The following PHKG1 variants were observed in gnomAD, a reference collection of about 807,000 sequenced individuals.
The protein encoded by PHKG1 is phosphorylase b kinase gamma catalytic chain, skeletal muscle/heart isoform.
PHKG1 carries 48 observed loss-of-function variants against 50.5 expected under a neutral mutation model. The observed-to-expected ratio is 0.95, with a 90% CI of 0.75 to 1.21. The LOEUF (loss-of-function observed/expected upper bound fraction) is 1.21. Ranked by LOEUF, PHKG1 falls within the 50% of genes most tolerant of loss-of-function variation. The probability of loss-of-function intolerance (pLI) is 0.00; values close to 1 mark genes in which losing one functional copy is unlikely to be tolerated. For synonymous variants in PHKG1, 204 were observed against 212.8 expected (o/e 0.96, Z 0.36); for missense variants, 487 against 519.5 (o/e 0.94, Z 0.61).
Position 56,080,802 on chromosome 7 carries a change from G to T in PHKG1, c.*252C>A, listed in dbSNP as rs1413417135. On this transcript the variant is annotated 3_prime_UTR_variant, in exon 10 of 10. Coordinates refer to ENST00000297373, the MANE Select transcript of PHKG1 (RefSeq NM_006213.5). ...GGAAGTAGAGGAGCAGGGGGTTCCT[G>T]GTTCTCAGGCCACGTGTGATCTCTG... 5.5e-6 allele frequency: 3 copies of T among 542,786 alleles called. No homozygotes were observed. The highest frequency in any genetic ancestry group is 9.9e-6 in the Non-Finnish European group (3 of 301,868). The allele number at this position is 542,786 out of a possible 1,614,324, so 33.6% of individuals were successfully genotyped here.
chr7:56,089,151 T>A (rs1048581552), intron 1 of PHKG1, among the ~76,000 whole-genome samples, 176 bp from the exon 2 acceptor site: 1 of 152,060 alleles, frequency 6.6e-6, no homozygotes, highest in South Asian at 2.1e-4. Context: ...ACACCTATAA[T>A]CCCAGACTTT....
intron 2 of PHKG1, 84 bp downstream of exon 2, chr7:56,088,775 C>T (rs1796375680): frequency 2.3e-6 from 2 of 877,854 alleles, no homozygotes; most frequent in Non-Finnish European, 3.7e-6. Context: ...GGCGTTAGTA[C>T]TCGGGGTGGA....
Position 56,086,997 on chromosome 7 carries a change from T to C in PHKG1, c.290A>G (p.Asn97Ser). 1 of 1,613,248 alleles carries C rather than the reference T, an allele frequency of 6.2e-7. No homozygotes were observed. The highest frequency in any genetic ancestry group is 8.5e-7 in the Non-Finnish European group (1 of 1,179,572). Residue 97 changes from asparagine (N) to serine (S), a missense_variant, in exon 4 of 10, where the codon AAC becomes AGC. By Grantham distance (46) the Asn-to-Ser change is conservative. Coordinates refer to ENST00000297373, the MANE Select transcript of PHKG1 (RefSeq NM_006213.5). ...IIQLKDTYET[N>S]TFFFLVFDLM... ...GTCAAACACCAAGAAGAAGAAAGTG[T>C]TGGTCTCATAAGTGTCCTTCAGCTG...
At chr7:56,086,476 T>G (rs928961618) in intron 4 of PHKG1, among the ~76,000 whole-genome samples, 7 of 151,494 alleles carry the variant, frequency 4.6e-5, no homozygotes, top group South Asian at 2.1e-4. Flanking sequence ...AGTTTTGGGG[T>G]TTTTTTTGTT....
At position 56,088,969 on chromosome 7, in the gene PHKG1, G is replaced by C. The variant is rs373866853; in HGVS notation, c.-28C>G. 7 of 1,546,458 alleles carry C rather than the reference G, an allele frequency of 4.5e-6. No individual in the cohort carries two copies. The African/African-American group carries it at 6.8e-5, about 15-fold the overall frequency. On this transcript the variant is annotated 5_prime_UTR_variant, in exon 2 of 10. Coordinates refer to ENST00000297373, the MANE Select transcript of PHKG1 (RefSeq NM_006213.5). ...TCAGATCTTCAGTGAGGGAACTCTG[G>C]GTGGCTCTGAGAGGGGAAAAGAAAG...
At chr7:56,089,128 T>C (rs1796390677) in intron 1 of PHKG1, among the ~76,000 whole-genome samples, 153 bp from the exon 2 acceptor site, 1 of 152,052 alleles carries the variant, frequency 6.6e-6, no homozygotes, top group Admixed American at 6.6e-5. Context: ...ATTGAGGCCG[T>C]TCGTGGTGGC....
intron 4 of PHKG1, 190 bp downstream of exon 4, chr7:56,086,780 A>G (rs1043178268): frequency 1.7e-5 from 10 of 599,650 alleles, no homozygotes; most frequent in Admixed American, 3.0e-5. Context: ...GATCCAGCCC[A>G]CAAGTGGTGA....
intron 4 of PHKG1, chr7:56,086,751 A>C (rs1202959953): frequency 3.5e-6 from 2 of 566,388 alleles, no homozygotes; most frequent in Non-Finnish European, 6.4e-6. Context: ...CTGATGAGAA[A>C]ACCAAGATTT....
intron 3 of PHKG1, among the ~76,000 whole-genome samples, chr7:56,087,347 G>A (rs1483892187): frequency 6.6e-6 from 1 of 151,828 alleles, no homozygotes; most frequent in African/African-American, 2.4e-5. Flanking sequence ...TCAGCCTCCC[G>A]AGTGGCTGGG....
chr7:56,087,622 T>C lies in PHKG1; in HGVS notation c.238A>G (p.Lys80Glu). 6.2e-7 allele frequency: 1 copy of C among 1,613,850 alleles called. No homozygotes were observed. Among genetic ancestry groups the C allele is most frequent in the Non-Finnish European group, 8.5e-7 (1 of 1,179,952 alleles). The change falls in exon 3 of 10, where the codon AAG (lysine) becomes GAG (glutamate). Residue 80 changes from lysine (K) to glutamate (E), a missense_variant. Coordinates refer to ENST00000297373, the MANE Select transcript of PHKG1 (RefSeq NM_006213.5). ...CTGATGTTGGGGTGCCCTGAGACCTTGCGCAGGATGTCCACCTCCTTCAGC... is the reference window on the plus strand; with the variant it reads ...CTGATGTTGGGGTGCCCTGAGACCTCGCGCAGGATGTCCACCTCCTTCAGC... ...ATLKEVDILR[K>E]VSGHPNIIQL...
chr7:56,090,871 G>A (rs1164812034), intron 1 of PHKG1, among the ~76,000 whole-genome samples: 2 of 152,154 alleles, frequency 1.3e-5, no homozygotes, highest in Admixed American at 1.3e-4. Flanking sequence ...CCCGCTTTGT[G>A]TCAGGAACAT....
At position 56,086,769 on chromosome 7, in the gene PHKG1, T is replaced by G. The variant is rs182999541; in HGVS notation, c.317+201A>C. 8.2e-4 allele frequency: 475 copies of G among 576,792 alleles called. 5 individuals carry two copies. Among genetic ancestry groups the G allele is most frequent in the Non-Finnish European group, 3.0e-4 (95 of 317,256 alleles). The allele number at this position is 576,792 out of a possible 1,614,324, so 35.7% of individuals were successfully genotyped here. On this transcript the variant is annotated intron_variant, in intron 4 of 9. Transcript: ENST00000297373. ...ATGAGAAAACCAAGATTTAAAGAAA[T>G]GATCCAGCCCACAAGTGGTGAACCC...
chr7:56,086,908 G>T, intron 4 of PHKG1, 62 bp downstream of exon 4: 1 of 1,286,826 alleles, frequency 7.8e-7, no homozygotes, highest in Non-Finnish European at 1.1e-6. Context: ...CCCTGGGGTT[G>T]GGGAGGGGAC....
At chr7:56,088,555 C>G in intron 2 of PHKG1, 1 of 223,324 alleles carries the variant, frequency 4.5e-6, no homozygotes, top group Non-Finnish European at 8.7e-6. Flanking sequence ...CGGGGTCTTG[C>G]TATGTTGCCC....
At position 56,083,411 on chromosome 7, in the gene PHKG1, G is replaced by T. The variant is rs1796112362; in HGVS notation, c.414C>A (p.Ile138=). The change falls in exon 6 of 10, where the codon ATC becomes ATA. Residue 138 remains isoleucine, a synonymous_variant. Coordinates refer to ENST00000297373, the MANE Select transcript of PHKG1 (RefSeq NM_006213.5). Reference sequence around the variant, plus strand: ...CGATGTTGAGTTTGTGCAAGGTGCAGATCACCTCCAGCAGAGCTCGCATGA... The same window carrying T: ...CGATGTTGAGTTTGTGCAAGGTGCATATCACCTCCAGCAGAGCTCGCATGA... The part of the protein sequence containing the change: ...RKIMRALLEV[I]CTLHKLNIVH... 2 of 1,614,206 alleles carry T rather than the reference G, an allele frequency of 1.2e-6. No homozygotes were observed. The highest frequency in any genetic ancestry group is 2.2e-5 in the South Asian group (2 of 91,088).
chr7:56,083,567 C>T (rs1292383581), intron 5 of PHKG1, 83 bp downstream of exon 5: 28 of 1,488,624 alleles, frequency 1.9e-5, no homozygotes, highest in South Asian at 2.3e-5. Flanking sequence ...GACATGTGCA[C>T]GCCCTGCCTC....
At chr7:56,087,940 C>G (rs1796332281) in intron 2 of PHKG1, among the ~76,000 whole-genome samples, 164 bp from the exon 3 acceptor site, 1 of 148,352 alleles carries the variant, frequency 6.7e-6, no homozygotes, top group Admixed American at 6.8e-5. Context: ...CAGGCACAGA[C>G]AGGTGATTTG....
chr7:56,087,885 C>G (rs1796330337), intron 2 of PHKG1, 109 bp from the exon 3 acceptor site: 2 of 814,450 alleles, frequency 2.5e-6, no homozygotes, highest in Non-Finnish European at 3.9e-6. Flanking sequence ...TTTACACTTT[C>G]CCCCAACTTC....
At chr7:56,091,152 G>T (rs1249835831) in intron 1 of PHKG1, among the ~76,000 whole-genome samples, 2 of 151,840 alleles carry the variant, frequency 1.3e-5, no homozygotes, top group African/African-American at 2.4e-5. Flanking sequence ...AGGTGGGGTT[G>T]CAGTGAGCTG....
Sources: gnomAD v4.1 joint callset for allele counts (sites outside exome capture counted in the v4.1 genomes callset) on GRCh38, gnomAD v4.1.1 for gene constraint, MANE v1.5 for transcripts, NCBI Gene and HGNC (gene_info 2026-07-23, HGNC 2026-07-21) for gene names.